The following SLC39A12 variants were observed in gnomAD, a reference collection of about 807,000 sequenced individuals.
SLC39A12 encodes the protein solute carrier family 39 member 12.
In SLC39A12, 63 loss-of-function variants were observed where a neutral mutation model predicts 71.1. The ratio of observed to expected loss-of-function variants is 0.89; its 90% confidence interval spans 0.72 to 1.09. The LOEUF is 1.09. Ranked by LOEUF, SLC39A12 falls within the 50% of genes least tolerant of loss-of-function variation. The pLI is 0.00. For synonymous variants in SLC39A12, 351 were observed against 301.3 expected, an observed-to-expected ratio of 1.16 and a Z score of -1.71; for missense variants, 892 against 812.6, an observed-to-expected ratio of 1.10 and a Z score of -1.19.
At chr10:17,984,325 T>C (rs1835347861) in intron 6 of SLC39A12, among the ~76,000 whole-genome samples, 2 of 152,244 alleles carry the variant, frequency 1.3e-5, no homozygotes. Context: ...AAACATTCAT[T>C]GTCTGCATGG....
intron 12 of SLC39A12, among the ~76,000 whole-genome samples, chr10:18,035,862 T>G: frequency 6.6e-6 from 1 of 152,212 alleles, no homozygotes; most frequent in African/African-American, 2.4e-5. Flanking sequence ...GTTTTCCGTC[T>G]AACAGACAGG....
At chr10:18,012,305 A>G (rs1379821544) in intron 12 of SLC39A12, among the ~76,000 whole-genome samples, 1 of 152,350 alleles carries the variant, frequency 6.6e-6, no homozygotes, top group South Asian at 2.1e-4. Flanking sequence ...CCCTCAGAAG[A>G]TTGTTAAAAG....
intron 2 of SLC39A12, among the ~76,000 whole-genome samples, chr10:17,959,386 G>A (rs1834629714): frequency 6.6e-6 from 1 of 152,084 alleles, no homozygotes; most frequent in Admixed American, 6.5e-5. Flanking sequence ...AGTCTGTGTG[G>A]TTTTATGAAG....
At chr10:18,040,749 A>T (rs182265102) in intron 12 of SLC39A12, among the ~76,000 whole-genome samples, 137 of 149,534 alleles carry the variant, frequency 9.2e-4, no homozygotes, top group Non-Finnish European at 1.7e-3. Flanking sequence ...AGCCTAGGCG[A>T]TAAGAGTGAA....
chr10:18,009,051 G>A (rs1465901586), intron 12 of SLC39A12, among the ~76,000 whole-genome samples: 2 of 152,070 alleles, frequency 1.3e-5, no homozygotes, highest in Non-Finnish European at 2.9e-5. Flanking sequence ...GTTATTTAAA[G>A]CATAAATTAA....
chr10:17,981,631 T>C, intron 6 of SLC39A12, 148 bp downstream of exon 6: 3 of 620,772 alleles, frequency 4.8e-6, no homozygotes, highest in Non-Finnish European at 7.7e-6. Flanking sequence ...TGCTACAAGG[T>C]AGATATTATT....
rs1835252440 is a variant in SLC39A12 at position 17,981,365 on chromosome 10, A to G, written c.978A>G (p.Ser326=). Residue 326 remains serine, a synonymous_variant, in exon 6 of 13, where the codon TCA becomes TCG. Transcript: ENST00000377369. ...AGATATTTCTACAGAAGGGCCTCTCACTCATTTCTAAGGAGGACTTTAAGC... is the reference window on the plus strand; with the variant it reads ...AGATATTTCTACAGAAGGGCCTCTCGCTCATTTCTAAGGAGGACTTTAAGC... ...LVEIFLQKGL[S]LISKEDFKQM... is the part of the protein sequence containing the mutation. 1 of 1,613,396 alleles carries G rather than the reference A, an allele frequency of 6.2e-7. No homozygotes were observed. The highest frequency in any genetic ancestry group is 8.5e-7 in the Non-Finnish European group (1 of 1,179,614).
Position 18,036,200 on chromosome 10 carries a change from T to G in SLC39A12, c.1948-6505T>G, listed in dbSNP as rs544485438. Among the ~76,000 whole-genome samples the G allele has an allele frequency of 1.1e-3, 174 of 152,354 alleles. 1 individual carries two copies. The highest frequency in any genetic ancestry group is 5.6e-4 in the Non-Finnish European group (38 of 68,024). ...CCCAGTTCCAGCTTCAGGGCTGCTT[T>G]GTTTACCTAAGCAAGCCTGGGCAAT... On this transcript the variant is annotated intron_variant, in intron 12 of 12. Transcript: ENST00000377369.
At chr10:18,035,942 C>T (rs895434723) in intron 12 of SLC39A12, among the ~76,000 whole-genome samples, 8 of 152,252 alleles carry the variant, frequency 5.3e-5, no homozygotes, top group African/African-American at 1.9e-4. Flanking sequence ...TGGGGGGTGC[C>T]TCCCAGTTAG....
At chr10:17,998,757 G>A (rs1032225419) in intron 10 of SLC39A12, among the ~76,000 whole-genome samples, 3 of 152,044 alleles carry the variant, frequency 2.0e-5, no homozygotes, top group South Asian at 4.1e-4. Flanking sequence ...CGGTAATTTG[G>A]GTTATATCTG....
chr10:18,014,942 A>T (rs900726453), intron 12 of SLC39A12, among the ~76,000 whole-genome samples: 2 of 152,210 alleles, frequency 1.3e-5, no homozygotes, highest in Admixed American at 1.3e-4. Context: ...AAAGTAAAAA[A>T]GTAGTGTGAT....
chr10:18,020,113 T>C (rs184727621), intron 12 of SLC39A12, among the ~76,000 whole-genome samples: 1 of 152,170 alleles, frequency 6.6e-6, no homozygotes, highest in African/African-American at 2.4e-5. Flanking sequence ...TAATACCCAA[T>C]AGGTGGTTTT....
intron 12 of SLC39A12, among the ~76,000 whole-genome samples, chr10:18,022,350 T>C (rs945527990): frequency 1.3e-5 from 2 of 152,162 alleles, no homozygotes; most frequent in Middle Eastern, 3.2e-3. Flanking sequence ...TGTTTATTTT[T>C]GTCTTACTGA....
intron 6 of SLC39A12, 103 bp from the exon 7 acceptor site, chr10:17,987,376 A>T: frequency 2.1e-6 from 2 of 962,358 alleles, no homozygotes; most frequent in Non-Finnish European, 3.2e-6. Flanking sequence ...CCATATCCCT[A>T]CTGGCTGTTA....
At chr10:17,955,515 C>G (rs1231682179) in intron 2 of SLC39A12, among the ~76,000 whole-genome samples, 2 of 152,186 alleles carry the variant, frequency 1.3e-5, no homozygotes, top group Non-Finnish European at 2.9e-5. Context: ...AACCACAGAG[C>G]TTCAGCTTGT....
At chr10:17,956,906 G>T (rs541057387) in intron 2 of SLC39A12, among the ~76,000 whole-genome samples, 1 of 152,022 alleles carries the variant, frequency 6.6e-6, no homozygotes, top group Non-Finnish European at 1.5e-5. Flanking sequence ...AGACCCTAAA[G>T]AGCCAGTACC....
chr10:17,981,322 C>T lies in SLC39A12; in HGVS notation c.935C>T (p.Ser312Phe). ...GTTTTCCTCACACAGACCTGCTTCT[C>T]TGCTAGGCAGCTGGTGGAGATATTT... ...GPVSWDQTCF[S>F]ARQLVEIFLQ... The change falls in exon 6 of 13, where the codon TCT becomes TTT. Residue 312 changes from serine to phenylalanine, a missense_variant. Coordinates refer to ENST00000377369, the MANE Select transcript of SLC39A12 (RefSeq NM_001145195.2). The T allele has an allele frequency of 6.2e-7, 1 of 1,609,922 alleles. No homozygotes were observed. Among genetic ancestry groups the T allele is most frequent in the African/African-American group, 1.3e-5 (1 of 74,926 alleles).
At chr10:17,978,164 A>G (rs928611693) in intron 5 of SLC39A12, 90 bp downstream of exon 5, 1 of 1,140,464 alleles carries the variant, frequency 8.8e-7, no homozygotes, top group African/African-American at 1.6e-5. Flanking sequence ...GAAAACTTAA[A>G]GAGTATTGTG....
At chr10:17,962,070 G>A (rs776917335) in intron 3 of SLC39A12, among the ~76,000 whole-genome samples, 2 of 152,096 alleles carry the variant, frequency 1.3e-5, no homozygotes, top group Admixed American at 6.5e-5. Context: ...AGCAGTTTTC[G>A]CCAGAAGTTC....
Sources: allele counts gnomAD v4.1 joint callset (sites outside exome capture counted in the v4.1 genomes callset), GRCh38; gene constraint gnomAD v4.1.1; transcripts MANE v1.5; gene names NCBI Gene and HGNC (gene_info 2026-07-23, HGNC 2026-07-21).